LHFPL3: variants seen among roughly 807,000 people sequenced by gnomAD.
The protein encoded by LHFPL3 is LHFPL tetraspan subfamily member 3 protein.
A neutral mutation model predicts 19.3 loss-of-function variants in LHFPL3; 5 were observed. That is an observed-to-expected ratio of 0.26 (90% CI 0.14 to 0.54). The LOEUF (loss-of-function observed/expected upper bound fraction) is 0.54, where lower values mean the gene tolerates loss of function less well. Among genes scored for constraint, LHFPL3 ranks in the 20% least tolerant of loss-of-function variants. The pLI is 0.94. For synonymous variants in LHFPL3, 133 were observed against 126.2 expected (o/e 1.05, Z -0.36); for missense variants, 249 against 307.4 (o/e 0.81, Z 1.42).
chr7:104,551,411 A>T (rs1321658578), intron 1 of LHFPL3, among the ~76,000 whole-genome samples: 1 of 152,068 alleles, frequency 6.6e-6, no homozygotes, highest in Non-Finnish European at 1.5e-5. Context: ...ATCTGTATGC[A>T]AAGACTGACA....
intron 1 of LHFPL3, among the ~76,000 whole-genome samples, chr7:104,415,942 G>T (rs1332981090): frequency 6.6e-6 from 1 of 152,136 alleles, no homozygotes; most frequent in African/African-American, 2.4e-5. Context: ...CACTGGACTG[G>T]CATGGGTCAG....
chr7:104,662,647 A>C (rs147592617), intron 1 of LHFPL3, among the ~76,000 whole-genome samples: 1 of 152,302 alleles, frequency 6.6e-6, no homozygotes, highest in East Asian at 1.9e-4. Context: ...GTGAACAAAC[A>C]AATAATGAAT....
chr7:104,863,844 C>A (rs558944885), intron 2 of LHFPL3, among the ~76,000 whole-genome samples: 19 of 152,186 alleles, frequency 1.2e-4, no homozygotes, highest in Non-Finnish European at 2.1e-4. Flanking sequence ...GAGAATCAGG[C>A]ACTGAACTGC....
chr7:104,731,630 T>C (rs1024445753), intron 1 of LHFPL3, among the ~76,000 whole-genome samples: 9 of 151,640 alleles, frequency 5.9e-5, no homozygotes, highest in African/African-American at 1.5e-4. Context: ...TGGGCTGAGA[T>C]GATGGGGTTT....
intron 1 of LHFPL3, among the ~76,000 whole-genome samples, chr7:104,601,535 G>C (rs1357384639): frequency 6.6e-6 from 1 of 152,186 alleles, no homozygotes; most frequent in East Asian, 1.9e-4. Context: ...ATATAGGGGA[G>C]AGGGGTTGCT....
chr7:104,426,658 A>G (rs1475892264), intron 1 of LHFPL3, among the ~76,000 whole-genome samples: 3 of 152,246 alleles, frequency 2.0e-5, no homozygotes, highest in Non-Finnish European at 4.4e-5. Context: ...GAATTTAAAA[A>G]TAGGTTTGTG....
At chr7:104,598,600 A>C (rs1243262577) in intron 1 of LHFPL3, among the ~76,000 whole-genome samples, 1 of 152,178 alleles carries the variant, frequency 6.6e-6, no homozygotes, top group Non-Finnish European at 1.5e-5. Context: ...AAAGAACAAT[A>C]ATGTCTGCTT....
intron 1 of LHFPL3, among the ~76,000 whole-genome samples, chr7:104,411,082 G>A (rs549866221): frequency 2.0e-5 from 3 of 152,310 alleles, no homozygotes; most frequent in African/African-American, 7.2e-5. Flanking sequence ...AACTGGATTA[G>A]TTTCAGTGAG....
chr7:104,347,131 A>G (rs1790085460), intron 1 of LHFPL3, among the ~76,000 whole-genome samples: 1 of 152,094 alleles, frequency 6.6e-6, no homozygotes, highest in East Asian at 1.9e-4. Flanking sequence ...TAGTATCACC[A>G]TCGCCATTGT....
intron 2 of LHFPL3, among the ~76,000 whole-genome samples, chr7:104,826,069 T>C (rs1231867218): frequency 1.3e-5 from 2 of 151,984 alleles, no homozygotes; most frequent in Non-Finnish European, 2.9e-5. Context: ...GTAAAGCACC[T>C]AGCAAATAGA....
intron 1 of LHFPL3, among the ~76,000 whole-genome samples, chr7:104,618,629 G>A (rs1400468832): frequency 6.6e-6 from 1 of 151,620 alleles, no homozygotes; most frequent in African/African-American, 2.4e-5. Flanking sequence ...TTTGGGTTAT[G>A]TCATAGACCT....
At chr7:104,825,424 A>G (rs891909724) in intron 2 of LHFPL3, among the ~76,000 whole-genome samples, 1 of 151,854 alleles carries the variant, frequency 6.6e-6, no homozygotes, top group African/African-American at 2.4e-5. Flanking sequence ...TAGCTCTGTT[A>G]CCTTCTAGGT....
intron 1 of LHFPL3, among the ~76,000 whole-genome samples, chr7:104,474,251 T>G (rs1792964381): frequency 6.6e-6 from 1 of 152,210 alleles, no homozygotes; most frequent in African/African-American, 2.4e-5. Flanking sequence ...GAATTTTATC[T>G]GCTTCAAAAC....
At chr7:104,520,620 T>C (rs1197373500) in intron 1 of LHFPL3, among the ~76,000 whole-genome samples, 1 of 142,974 alleles carries the variant, frequency 7.0e-6, no homozygotes, top group African/African-American at 2.6e-5. Context: ...TGCCACAATT[T>C]CAGATCCTGT....
At chr7:104,798,035 G>A (rs544072429) in intron 2 of LHFPL3, among the ~76,000 whole-genome samples, 43 of 151,672 alleles carry the variant, frequency 2.8e-4, no homozygotes, top group African/African-American at 9.7e-4. Context: ...TGGGGGGGGC[G>A]GCACTATGTG....
chr7:104,814,596 C>A (rs1790529839), intron 2 of LHFPL3, among the ~76,000 whole-genome samples: 1 of 152,074 alleles, frequency 6.6e-6, no homozygotes, highest in African/African-American at 2.4e-5. Context: ...TGGGGACCTG[C>A]CCCGTTCCAC....
chr7:104,905,272 T>C (rs924398720), intron 2 of LHFPL3, among the ~76,000 whole-genome samples: 1 of 152,084 alleles, frequency 6.6e-6, no homozygotes, highest in Non-Finnish European at 1.5e-5. Flanking sequence ...TATTTTAAAA[T>C]ATAAATAGAT....
intron 1 of LHFPL3, among the ~76,000 whole-genome samples, chr7:104,720,214 C>G (rs1198002974): frequency 2.6e-5 from 4 of 152,124 alleles, no homozygotes; most frequent in Non-Finnish European, 5.9e-5. Flanking sequence ...TGGAACAGAA[C>G]AGAGGCTTCA....
rs139079209 is a variant in LHFPL3, at chr7:104,712,010, A to G, written c.446-24665A>G. Reference sequence around the variant, plus strand: ...CACACCCTAATCTCTGGAATGTGTAAATACATTAGGATACATGGAAAGGGG... The same window carrying G: ...CACACCCTAATCTCTGGAATGTGTAGATACATTAGGATACATGGAAAGGGG... On this transcript the variant is annotated intron_variant, in intron 1 of 2. Coordinates refer to ENST00000424859, the MANE Select transcript of LHFPL3 (RefSeq NM_199000.3). Among the ~76,000 whole-genome samples the G allele has an allele frequency of 3.1e-3, 471 of 152,330 alleles. 4 individuals are homozygous for G. The highest frequency in any genetic ancestry group is 0.011 in the African/African-American group (453 of 41,566).
Sources: gnomAD v4.1 joint callset for allele counts (sites outside exome capture counted in the v4.1 genomes callset) on GRCh38, gnomAD v4.1.1 for gene constraint, MANE v1.5 for transcripts, NCBI Gene and HGNC (gene_info 2026-07-23, HGNC 2026-07-21) for gene names.